EPHA6: variants seen among roughly 807,000 people sequenced by gnomAD.
The protein encoded by EPHA6 is ephrin type-A receptor 6.
In EPHA6, 50 loss-of-function variants were observed where a neutral mutation model predicts 112.0. The observed-to-expected ratio is 0.45, with a 90% CI of 0.36 to 0.56. The LOEUF (loss-of-function observed/expected upper bound fraction) is 0.56. EPHA6 is among the 20% of genes least tolerant of loss of function. The pLI is 0.00. For synonymous variants in EPHA6, 529 were observed against 490.7 expected, an observed-to-expected ratio of 1.08 and a Z score of -1.03; for missense variants, 1,280 against 1,417.4, an observed-to-expected ratio of 0.90 and a Z score of 1.56.
intron 3 of EPHA6, among the ~76,000 whole-genome samples, chr3:97,059,544 T>A (rs1441939148): frequency 1.3e-5 from 2 of 151,828 alleles, no homozygotes; most frequent in African/African-American, 4.8e-5. Flanking sequence ...ACAGGAAAAA[T>A]TCACTTTTCA....
At chr3:97,564,935 C>G (rs887624437) in intron 11 of EPHA6, among the ~76,000 whole-genome samples, 4 of 152,018 alleles carry the variant, frequency 2.6e-5, no homozygotes, top group African/African-American at 2.4e-5. Flanking sequence ...TAAAAATATA[C>G]CATTCTATTC....
chr3:97,671,166 G>A (rs1171616867), intron 14 of EPHA6, among the ~76,000 whole-genome samples: 4 of 152,096 alleles, frequency 2.6e-5, no homozygotes, highest in Non-Finnish European at 4.4e-5. Context: ...TGCTAAACTT[G>A]GCCGGTCTGT....
chr3:97,151,635 G>C (rs530843560), intron 3 of EPHA6, among the ~76,000 whole-genome samples: 1 of 151,932 alleles, frequency 6.6e-6, no homozygotes, highest in Non-Finnish European at 1.5e-5. Flanking sequence ...ACTAGGTAAA[G>C]AATATAATTA....
In EPHA6 at chr3:96,942,367, C is replaced by T. The variant is rs181757793; in HGVS notation, c.451-44963C>T. ...AGCCTTGCAGTTTGATCTCAGACTG[C>T]TGTGCTAGCAATCAGCGTGACTCCG... On this transcript the variant is annotated intron_variant, in intron 2 of 17. Coordinates refer to ENST00000389672, the MANE Select transcript of EPHA6 (RefSeq NM_001080448.3). Among the ~76,000 whole-genome samples, 691 of 152,338 alleles carry T rather than the reference C, an allele frequency of 4.5e-3. 8 individuals carry two copies. The highest frequency in any genetic ancestry group is 0.015 in the African/African-American group (632 of 41,584).
chr3:96,850,323 A>G (rs2035307319), intron 1 of EPHA6, among the ~76,000 whole-genome samples: 1 of 152,062 alleles, frequency 6.6e-6, no homozygotes, highest in African/African-American at 2.4e-5. Context: ...GCACCAGGAG[A>G]TAGCCCAATA....
intron 2 of EPHA6, among the ~76,000 whole-genome samples, chr3:96,894,554 G>T (rs1269445111): frequency 2.0e-5 from 3 of 152,022 alleles, no homozygotes; most frequent in Admixed American, 6.6e-5. Flanking sequence ...AAGGATGACT[G>T]CATGAAGAAC....
chr3:97,268,414 G>T (rs2079770385), intron 5 of EPHA6, among the ~76,000 whole-genome samples: 1 of 152,038 alleles, frequency 6.6e-6, no homozygotes. Flanking sequence ...ATAATCTTTA[G>T]CAAGTTTGTT....
At chr3:97,655,065 T>C (rs1179260918) in intron 14 of EPHA6, among the ~76,000 whole-genome samples, 1 of 149,868 alleles carries the variant, frequency 6.7e-6, no homozygotes, top group African/African-American at 2.4e-5. Context: ...CTTGTGGCAG[T>C]AGATCAGCTT....
At chr3:97,615,597 G>A (rs2093758973) in intron 13 of EPHA6, among the ~76,000 whole-genome samples, 1 of 152,172 alleles carries the variant, frequency 6.6e-6, no homozygotes, top group Non-Finnish European at 1.5e-5. Flanking sequence ...GGGAGGGGCA[G>A]GCCTCCATCT....
At chr3:97,259,392 C>G (rs1052965130) in intron 5 of EPHA6, among the ~76,000 whole-genome samples, 3 of 151,384 alleles carry the variant, frequency 2.0e-5, no homozygotes, top group Non-Finnish European at 4.4e-5. Context: ...AAATGTATTT[C>G]TCAAGGTTAT....
At chr3:97,628,705 T>A (rs970383043) in intron 13 of EPHA6, among the ~76,000 whole-genome samples, 11 of 152,022 alleles carry the variant, frequency 7.2e-5, no homozygotes, top group African/African-American at 2.7e-4. Flanking sequence ...AAAGAGATCT[T>A]TTAAATATTT....
intron 3 of EPHA6, among the ~76,000 whole-genome samples, chr3:97,062,576 T>A (rs553623323): frequency 3.3e-5 from 5 of 152,316 alleles, no homozygotes; most frequent in African/African-American, 1.2e-4. Context: ...GAATTGTAGC[T>A]CCTATAATTC....
chr3:97,349,248 G>T (rs1439112171), intron 5 of EPHA6, among the ~76,000 whole-genome samples: 1 of 151,684 alleles, frequency 6.6e-6, no homozygotes, highest in Admixed American at 6.6e-5. Flanking sequence ...CTTATTTTTT[G>T]ATCAGGATTT....
chr3:97,649,276 A>T (rs966889491), intron 14 of EPHA6, among the ~76,000 whole-genome samples: 1 of 151,968 alleles, frequency 6.6e-6, no homozygotes, highest in African/African-American at 2.4e-5. Flanking sequence ...CATTTATAAA[A>T]CCATCACACC....
At chr3:96,862,432 TAGAG>T (rs1436821260) in intron 1 of EPHA6, among the ~76,000 whole-genome samples, 1 of 151,956 alleles carries the variant, frequency 6.6e-6, no homozygotes, top group Non-Finnish European at 1.5e-5. Context: ...TAAGGTTTGT[TAGAG>T]AAAGTTCTCA....
chr3:97,548,251 G>A (rs1426338135), intron 11 of EPHA6, among the ~76,000 whole-genome samples: 1 of 152,064 alleles, frequency 6.6e-6, no homozygotes, highest in Non-Finnish European at 1.5e-5. Context: ...TTATGGTTAT[G>A]CATTTTTGGC....
At chr3:97,405,335 G>C (rs2087269229) in intron 6 of EPHA6, 61 bp downstream of exon 6, 1 of 1,383,272 alleles carries the variant, frequency 7.2e-7, no homozygotes, top group Non-Finnish European at 1.0e-6. Context: ...TGTATATATT[G>C]AGCATGTCGT....
At chr3:97,275,982 C>G (rs1173756567) in intron 5 of EPHA6, among the ~76,000 whole-genome samples, 1 of 151,862 alleles carries the variant, frequency 6.6e-6, no homozygotes, top group African/African-American at 2.4e-5. Flanking sequence ...GCGGGGATAA[C>G]TAAAAAAGAG....
intron 3 of EPHA6, among the ~76,000 whole-genome samples, chr3:97,180,890 C>T (rs2076969912): frequency 6.6e-6 from 1 of 152,022 alleles, no homozygotes; most frequent in Non-Finnish European, 1.5e-5. Flanking sequence ...GAGCCCCGCC[C>T]CCCAACCCCA....
Sources: allele counts gnomAD v4.1 joint callset (sites outside exome capture counted in the v4.1 genomes callset), GRCh38; gene constraint gnomAD v4.1.1; transcripts MANE v1.5; gene names NCBI Gene and HGNC (gene_info 2026-07-23, HGNC 2026-07-21).